Variants in GPC6 observed in about 807,000 individuals in gnomAD.
GPC6 encodes the protein glypican 6, also known as glypican-6.
Under a neutral mutation model 55.2 loss-of-function variants are expected in GPC6, and 14 were observed. The ratio of observed to expected loss-of-function variants is 0.25; its 90% CI spans 0.17 to 0.40. The LOEUF is 0.40. GPC6 is among the 10% of genes least tolerant of loss of function. The pLI is 1.00. For missense variants in GPC6, 641 were observed against 708.5 expected, an observed-to-expected ratio of 0.90 and a Z score of 1.08; for synonymous variants, 278 against 259.6, an observed-to-expected ratio of 1.07 and a Z score of -0.68.
chr13:93,794,081 G>T lies in GPC6; in HGVS notation c.320-36073G>T, dbSNP rs1351605844. Among the ~76,000 whole-genome samples, 3 of 152,130 alleles carry T rather than the reference G, an allele frequency of 2.0e-5. No individual in the cohort carries two copies. The East Asian group carries it at 5.8e-4, about 29-fold the overall frequency. On this transcript the variant is annotated intron_variant, in intron 2 of 8. Transcript: ENST00000377047. ...AAAGTCAGGAGGCAAGAGGGATTTAGCCCAAGACTATCAAAAGCTCTTGGC... is the reference window on the plus strand; with the variant it reads ...AAAGTCAGGAGGCAAGAGGGATTTATCCCAAGACTATCAAAAGCTCTTGGC...
intron 3 of GPC6, among the ~76,000 whole-genome samples, chr13:93,990,617 G>A (rs1881254593): frequency 6.6e-6 from 1 of 152,036 alleles, no homozygotes; most frequent in Non-Finnish European, 1.5e-5. Flanking sequence ...TGCACTTTGG[G>A]AGGCTGAGGT....
At position 94,362,059 on chromosome 13, in the gene GPC6, A is replaced by T. The variant is rs60987661; in HGVS notation, c.1153-20355A>T. ...ATACTACACTTGATTTCATTTTGGA[A>T]TATTAATGAGACTGAAATAAGCTTT... is the stretch of plus-strand genomic sequence containing the variant. On this transcript the variant is annotated intron_variant, in intron 6 of 8. Transcript: ENST00000377047. Among the ~76,000 whole-genome samples, 725 of 152,356 alleles carry T rather than the reference A, an allele frequency of 4.8e-3. 16 individuals carry two copies. The East Asian group carries it at 0.073, about 15-fold the overall frequency.
In GPC6 at chr13:94,238,747, G is replaced by A. The variant is rs117960561; in HGVS notation, c.878-47602G>A. Among the ~76,000 whole-genome samples the A allele has an allele frequency of 9.5e-3, 1,444 of 152,234 alleles. 8 individuals carry two copies. The highest frequency in any genetic ancestry group is 0.015 in the Non-Finnish European group (1,048 of 68,006). On this transcript the variant is annotated intron_variant, in intron 4 of 8. Transcript: ENST00000377047. ...TCCCACAGTTTGGGGCTGACACATG[G>A]CAGTGAGGGCGATCCCCACTTAAGG...
Position 93,239,979 on chromosome 13 carries a change from C to T in GPC6, c.160+12363C>T, listed in dbSNP as rs918182684. On this transcript the variant is annotated intron_variant, in intron 1 of 8. Transcript: ENST00000377047. Reference sequence around the variant, plus strand: ...GGAATTGATTTTTAGGTTTATTCTGCTGCAGTCTGAGAAGATGCCTGATAT... The same window carrying T: ...GGAATTGATTTTTAGGTTTATTCTGTTGCAGTCTGAGAAGATGCCTGATAT... Among the ~76,000 whole-genome samples, 5 of 152,078 alleles carry T rather than the reference C, an allele frequency of 3.3e-5. No individual in the cohort carries two copies. The East Asian group carries it at 9.6e-4, about 29-fold the overall frequency.
intron 1 of GPC6, among the ~76,000 whole-genome samples, chr13:93,264,706 T>C (rs1877264665): frequency 6.6e-6 from 1 of 152,230 alleles, no homozygotes; most frequent in Non-Finnish European, 1.5e-5. Context: ...CTATCCTGTA[T>C]ACTTTAAATC....
intron 1 of GPC6, among the ~76,000 whole-genome samples, chr13:93,530,786 C>T (rs1881837119): frequency 6.6e-6 from 1 of 152,014 alleles, no homozygotes; most frequent in African/African-American, 2.4e-5. Flanking sequence ...TCTGTCATAC[C>T]TGCCTGGAGG....
chr13:93,451,713 C>T (rs558709002), intron 1 of GPC6, among the ~76,000 whole-genome samples: 47 of 152,228 alleles, frequency 3.1e-4, no homozygotes, highest in African/African-American at 1.0e-3. Context: ...GTCTCATTCT[C>T]GAATTTGATG....
intron 1 of GPC6, among the ~76,000 whole-genome samples, chr13:93,345,675 C>A (rs1880403117): frequency 6.6e-6 from 1 of 152,130 alleles, no homozygotes; most frequent in Admixed American, 6.5e-5. Flanking sequence ...ATGCATAATG[C>A]ATGCAATAGG....
chr13:93,569,032 A>C (rs1876273253), intron 2 of GPC6, among the ~76,000 whole-genome samples: 1 of 152,188 alleles, frequency 6.6e-6, no homozygotes, highest in Admixed American at 6.5e-5. Flanking sequence ...TGCATCTACA[A>C]AGAACGCTTT....
chr13:94,301,408 T>C (rs1875644218), intron 5 of GPC6, among the ~76,000 whole-genome samples: 1 of 151,950 alleles, frequency 6.6e-6, no homozygotes, highest in Non-Finnish European at 1.5e-5. Context: ...AAAATAAAAT[T>C]AAAAGATTTT....
chr13:93,401,849 C>G (rs988226956), intron 1 of GPC6, among the ~76,000 whole-genome samples: 2 of 151,828 alleles, frequency 1.3e-5, no homozygotes, highest in Non-Finnish European at 2.9e-5. Context: ...GAGCACTAGT[C>G]AGATAGAGTA....
chr13:94,024,132 C>CACAA (rs1191951171), intron 3 of GPC6, among the ~76,000 whole-genome samples: 21 of 151,492 alleles, frequency 1.4e-4, no homozygotes, highest in Non-Finnish European at 2.9e-4. Context: ...CACACACACA[C>CACAA]ACAAGTGAAT....
At chr13:93,694,644 C>T (rs1390133274) in intron 2 of GPC6, among the ~76,000 whole-genome samples, 1 of 152,102 alleles carries the variant, frequency 6.6e-6, no homozygotes, top group East Asian at 1.9e-4. Context: ...TGGCCTTGTG[C>T]CAGATGCAGG....
At chr13:93,597,004 TG>T (rs1566442250) in intron 2 of GPC6, among the ~76,000 whole-genome samples, 6 of 78,518 alleles carry the variant, frequency 7.6e-5, no homozygotes, top group African/African-American at 3.7e-4. Context: ...AGTTCAAATC[TG>T]GCAAAAAAAA....
chr13:93,905,220 GC>G (rs1346167207), intron 3 of GPC6, among the ~76,000 whole-genome samples: 2 of 151,862 alleles, frequency 1.3e-5, no homozygotes, highest in East Asian at 3.9e-4. Context: ...GCACCTTAAT[GC>G]TGAAATTCAG....
intron 6 of GPC6, among the ~76,000 whole-genome samples, chr13:94,345,179 C>T (rs950839692): frequency 1.3e-5 from 2 of 152,224 alleles, no homozygotes; most frequent in African/African-American, 2.4e-5. Flanking sequence ...AGCACTTAGT[C>T]GAATTATTTC....
intron 1 of GPC6, among the ~76,000 whole-genome samples, chr13:93,339,801 C>CA (rs1880177511): frequency 6.6e-6 from 1 of 152,054 alleles, no homozygotes; most frequent in South Asian, 2.1e-4. Context: ...AGGCTTACAT[C>CA]AAAAAAGCTC....
chr13:93,999,666 C>T (rs1025522521), intron 3 of GPC6, among the ~76,000 whole-genome samples: 14 of 152,136 alleles, frequency 9.2e-5, no homozygotes, highest in African/African-American at 3.1e-4. Flanking sequence ...GTGTCGACCA[C>T]ATTTTTTGTT....
intron 2 of GPC6, among the ~76,000 whole-genome samples, chr13:93,582,268 G>A (rs913939876): frequency 6.6e-6 from 1 of 152,256 alleles, no homozygotes; most frequent in South Asian, 2.1e-4. Context: ...GTTAGAGATT[G>A]AAGTTGTAGA....
Sources: gnomAD v4.1 joint callset for allele counts (sites outside exome capture counted in the v4.1 genomes callset) on GRCh38, gnomAD v4.1.1 for gene constraint, MANE v1.5 for transcripts, NCBI Gene and HGNC (gene_info 2026-07-23, HGNC 2026-07-21) for gene names.